The following MRO variants were observed in gnomAD, a reference collection of about 807,000 sequenced individuals.
The protein encoded by MRO is maestro.
A neutral mutation model predicts 31.0 loss-of-function variants in MRO; 28 were observed. That is an observed-to-expected ratio of 0.90 (90% confidence interval 0.67 to 1.24). The LOEUF (loss-of-function observed/expected upper bound fraction) is 1.24. Among genes scored for constraint, MRO ranks in the 50% most tolerant of loss-of-function variants. The pLI, the probability that MRO is intolerant of heterozygous loss-of-function variation, is 0.00. For synonymous variants in MRO, 108 were observed against 108.4 expected, an observed-to-expected ratio of 1.00 and a Z score of 0.02; for missense variants, 332 against 289.2, an observed-to-expected ratio of 1.15 and a Z score of -1.07.
intron 1 of MRO, 38 bp from the exon 2 acceptor site, chr18:50,819,740 G>T: frequency 6.5e-7 from 1 of 1,547,998 alleles, no homozygotes; most frequent in Middle Eastern, 1.7e-4. Context: ...GTGACGCAGG[G>T]TCTGTCCAGG....
rs1052404565 is a variant in MRO, at chr18:50,809,304, T to C, written c.97A>G (p.Lys33Glu). 1.2e-6 allele frequency: 2 copies of C among 1,611,564 alleles called. No homozygotes were observed. The highest frequency in any genetic ancestry group is 2.7e-5 in the African/African-American group (2 of 74,834). Residue 33 changes from lysine to glutamate, a missense_variant and splice_region_variant, in exon 3 of 8, where the codon AAG becomes GAG. Physicochemically the swap from Lys to Glu is moderately conservative, Grantham distance 56. Transcript: ENST00000398439. ...GTTCATAATATTTTGTGTCAGACCT[T>C]GGAAAAGAAAGATATCATTGATGTC... ...KRTSMISFFS[K>E]VSWKLRFQKR...
intron 2 of MRO, chr18:50,815,744 GA>G: frequency 2.2e-6 from 1 of 445,744 alleles, no homozygotes; most frequent in Non-Finnish European, 4.5e-6. Context: ...AAAAACAGCA[GA>G]AAAGAAGGCT....
At chr18:50,811,779 A>G (rs1392319978) in intron 2 of MRO, among the ~76,000 whole-genome samples, 20 of 115,600 alleles carry the variant, frequency 1.7e-4, no homozygotes, top group Non-Finnish European at 2.6e-4. Flanking sequence ...TTTGAGACAG[A>G]GTCTTACTCT....
At chr18:50,825,055 C>T (rs188403188) in intron 1 of MRO, among the ~76,000 whole-genome samples, 44 of 137,000 alleles carry the variant, frequency 3.2e-4, no homozygotes, top group Non-Finnish European at 6.1e-4. Flanking sequence ...GCCTGGGCCA[C>T]AAGAGCAAGA....
At chr18:50,818,128 G>A (rs17663355) in intron 2 of MRO, among the ~76,000 whole-genome samples, 1 of 151,894 alleles carries the variant, frequency 6.6e-6, no homozygotes, top group Non-Finnish European at 1.5e-5. Flanking sequence ...AGAGAGGATC[G>A]TTTTAAACAC....
chr18:50,795,301 T>A lies in MRO; in HGVS notation c.*4036A>T, dbSNP rs1376623123. On this transcript the variant is annotated 3_prime_UTR_variant, in exon 8 of 8. Coordinates refer to ENST00000398439, the MANE Select transcript of MRO (RefSeq NM_031939.6). Reference sequence around the variant, plus strand: ...ATATATATCACTTACACTCATGGACTTTTTTTTCATTTTAAAAGGGCATTT... The same window carrying A: ...ATATATATCACTTACACTCATGGACATTTTTTTCATTTTAAAAGGGCATTT... The A allele has an allele frequency of 6.6e-6, 1 of 152,072 alleles. No homozygotes were observed. The highest frequency in any genetic ancestry group is 1.9e-4 in the East Asian group (1 of 5,200). 9.4% of individuals were successfully genotyped at this position (152,072 alleles called of 1,614,324 possible). A position where few individuals can be genotyped will look rare whatever the true frequency, so the allele number is the denominator to read the frequency against.
In MRO at chr18:50,801,309, T is replaced by A. The variant is rs762050628; in HGVS notation, c.585+40A>T. 3 of 1,516,662 alleles carry A rather than the reference T, an allele frequency of 2.0e-6. No homozygotes were observed. The Admixed American group carries it at 6.2e-5, about 31-fold the overall frequency. The allele number at this position is 1,516,662 out of a possible 1,614,324, so 94.0% of individuals were successfully genotyped here. A position where few individuals can be genotyped will look rare whatever the true frequency, so the allele number is the denominator to read the frequency against. On this transcript the variant is annotated intron_variant, in intron 6 of 7. Transcript: ENST00000398439. ...CTCGCAACTCCCTTTATGAATAGCA[T>A]GGAGATGTCACTCTGTTGGTTGCAG...
chr18:50,819,285 A>G (rs1473132781), intron 2 of MRO, among the ~76,000 whole-genome samples: 1 of 152,210 alleles, frequency 6.6e-6, no homozygotes, highest in Non-Finnish European at 1.5e-5. Context: ...ATTTCAGTTT[A>G]AAGTGTCAAT....
intron 5 of MRO, among the ~76,000 whole-genome samples, chr18:50,803,120 G>C (rs1222917039): frequency 2.0e-5 from 3 of 152,102 alleles, no homozygotes; most frequent in South Asian, 4.1e-4. Context: ...CTGTAATGGA[G>C]ATGTAAACTA....
intron 6 of MRO, 52 bp downstream of exon 6, chr18:50,801,297 T>C: frequency 2.0e-6 from 3 of 1,485,840 alleles, no homozygotes; most frequent in East Asian, 4.6e-5. Context: ...GCAACTCCCT[T>C]TATGAATAGC....
At chr18:50,809,611 G>A (rs928711077) in intron 2 of MRO, among the ~76,000 whole-genome samples, 1 of 152,116 alleles carries the variant, frequency 6.6e-6, no homozygotes, top group Non-Finnish European at 1.5e-5. Context: ...CAGCTTGGGG[G>A]TCAAGGGGGA....
At chr18:50,815,360 A>T in intron 2 of MRO, 1 of 261,124 alleles carries the variant, frequency 3.8e-6, no homozygotes, top group Non-Finnish European at 7.8e-6. Context: ...AAAGGAGGCT[A>T]TGGTGGTGAA....
Position 50,809,351 on chromosome 18 carries a change from G to T in MRO, c.50C>A (p.Thr17Asn). The T allele has an allele frequency of 6.2e-7, 1 of 1,613,848 alleles. No homozygotes were observed. The highest frequency in any genetic ancestry group is 1.1e-5 in the South Asian group (1 of 91,066). ...RILGQPLSIPTSQPKQKRTSM... is the reference protein window; with the variant it reads ...RILGQPLSIPNSQPKQKRTSM... ...TGTCCTTTTCTGCTTGGGCTGGGAAGTAGGGATGGAAAGGGGCTGGCCCAG... is the reference window on the plus strand; with the variant it reads ...TGTCCTTTTCTGCTTGGGCTGGGAATTAGGGATGGAAAGGGGCTGGCCCAG... Residue 17 changes from threonine (T) to asparagine (N), a missense_variant, in exon 3 of 8, where the codon ACT (threonine) becomes AAT (asparagine). Coordinates refer to ENST00000398439, the MANE Select transcript of MRO (RefSeq NM_031939.6).
intron 5 of MRO, 91 bp from the exon 6 acceptor site, chr18:50,801,595 C>T (rs1913331439): frequency 8.2e-7 from 1 of 1,219,742 alleles, no homozygotes; most frequent in African/African-American, 1.5e-5. Context: ...GGTCAGAACA[C>T]ATCACAGCCG....
At chr18:50,807,980 G>T (rs1279648583) in intron 3 of MRO, among the ~76,000 whole-genome samples, 1 of 152,200 alleles carries the variant, frequency 6.6e-6, no homozygotes, top group Non-Finnish European at 1.5e-5. Flanking sequence ...CAGCTACTTG[G>T]GAGGCTGAGG....
rs750882902 is a variant in MRO, at chr18:50,805,318, T to C, written c.265A>G (p.Ile89Val). Residue 89 changes from isoleucine (I) to valine (V), a missense_variant, in exon 5 of 8, where the codon ATT becomes GTT. By Grantham distance (29) the Ile-to-Val change is conservative (BLOSUM62 3). Transcript: ENST00000398439. ...CCATACACCAGCAGGTCGAGGACAA[T>C]TTTCTTATACTTTCTCACCTGTCAC... ...APDKVRKYKK[I>V]VLDLLVYGLY... The C allele has an allele frequency of 1.2e-6, 2 of 1,613,768 alleles. No individual in the cohort carries two copies. The highest frequency in any genetic ancestry group is 2.2e-5 in the South Asian group (2 of 90,944).
At chr18:50,807,099 G>C (rs769860719) in intron 3 of MRO, among the ~76,000 whole-genome samples, 3 of 152,216 alleles carry the variant, frequency 2.0e-5, no homozygotes, top group Admixed American at 6.5e-5. Context: ...GAGATTAAGG[G>C]GAGAGGCTCT....
At chr18:50,808,122 T>A (rs375223758) in intron 3 of MRO, among the ~76,000 whole-genome samples, 3 of 151,780 alleles carry the variant, frequency 2.0e-5, no homozygotes, top group Non-Finnish European at 2.9e-5. Flanking sequence ...AACACCAAAC[T>A]CTAAGTAATT....
chr18:50,802,062 T>C (rs1365119488), intron 5 of MRO, among the ~76,000 whole-genome samples: 1 of 152,116 alleles, frequency 6.6e-6, no homozygotes, highest in Non-Finnish European at 1.5e-5. Context: ...GCACCTTGAG[T>C]TTTCATCAGT....
Sources: gnomAD v4.1 joint callset for allele counts (sites outside exome capture counted in the v4.1 genomes callset) on GRCh38, gnomAD v4.1.1 for gene constraint, MANE v1.5 for transcripts, NCBI Gene and HGNC (gene_info 2026-07-23, HGNC 2026-07-21) for gene names.